Variants in ARHGAP10 observed in about 807,000 individuals in gnomAD.
ARHGAP10 encodes the protein Rho GTPase activating protein 10, also known as rho GTPase-activating protein 10.
ARHGAP10 carries 87 observed loss-of-function variants against 108.6 expected under a neutral mutation model. The observed-to-expected ratio is 0.80, with a 90% confidence interval of 0.67 to 0.96. The LOEUF is 0.96. Among genes scored for constraint, ARHGAP10 ranks in the 40% least tolerant of loss-of-function variants. The pLI is 0.00. For synonymous variants in ARHGAP10, 347 were observed against 341.1 expected (o/e 1.02, Z -0.19); for missense variants, 939 against 954.5 (o/e 0.98, Z 0.21).
intron 10 of ARHGAP10, among the ~76,000 whole-genome samples, chr4:147,897,363 A>G (rs1205851001): frequency 6.6e-6 from 1 of 151,910 alleles, no homozygotes; most frequent in Non-Finnish European, 1.5e-5. Flanking sequence ...TTGGCTTCCT[A>G]AAGTGCTGTG....
At chr4:148,029,994 T>C (rs1449760589) in intron 19 of ARHGAP10, among the ~76,000 whole-genome samples, 7 of 138,430 alleles carry the variant, frequency 5.1e-5, no homozygotes, top group African/African-American at 1.1e-4. Flanking sequence ...AGGCTCAGCA[T>C]CCCCCCCCCC....
intron 10 of ARHGAP10, among the ~76,000 whole-genome samples, chr4:147,902,084 A>AT (rs1257455798): frequency 2.0e-5 from 3 of 152,054 alleles, no homozygotes; most frequent in African/African-American, 7.2e-5. Flanking sequence ...TCTGTCTTCT[A>AT]TTTGTTATTC....
At chr4:147,897,336 C>T (rs1393276868) in intron 10 of ARHGAP10, among the ~76,000 whole-genome samples, 1 of 151,952 alleles carries the variant, frequency 6.6e-6, no homozygotes, top group Non-Finnish European at 1.5e-5. Context: ...CTCCTGACTT[C>T]AAGCCATCTT....
chr4:147,912,558 T>G (rs1392593540), intron 12 of ARHGAP10, among the ~76,000 whole-genome samples: 61 of 1,944 alleles, frequency 0.031, no homozygotes, highest in Non-Finnish European at 0.24. Flanking sequence ...AATATATATA[T>G]ATATATATAT....
chr4:147,937,865 G>A (rs1738016702), intron 13 of ARHGAP10, among the ~76,000 whole-genome samples: 1 of 152,220 alleles, frequency 6.6e-6, no homozygotes, highest in East Asian at 1.9e-4. Context: ...TGTAATCCCA[G>A]CTACTTGGGA....
intron 13 of ARHGAP10, among the ~76,000 whole-genome samples, chr4:147,936,226 G>A (rs1480897990): frequency 6.6e-6 from 1 of 151,950 alleles, no homozygotes; most frequent in African/African-American, 2.4e-5. Flanking sequence ...TCCTGTATCG[G>A]GCTCAAAAGG....
At chr4:147,842,383 C>G (rs1733451536) in intron 3 of ARHGAP10, among the ~76,000 whole-genome samples, 1 of 152,186 alleles carries the variant, frequency 6.6e-6, no homozygotes, top group South Asian at 2.1e-4. Context: ...TGGTGGAAGA[C>G]AGTGTTTACT....
intron 3 of ARHGAP10, among the ~76,000 whole-genome samples, chr4:147,823,832 G>A (rs1041053872): frequency 6.6e-6 from 1 of 152,154 alleles, no homozygotes; most frequent in Non-Finnish European, 1.5e-5. Flanking sequence ...GCAGTGCTGT[G>A]CTGAGTGCCT....
At chr4:148,066,350 C>T (rs1240382694) in intron 22 of ARHGAP10, among the ~76,000 whole-genome samples, 1 of 152,162 alleles carries the variant, frequency 6.6e-6, no homozygotes. Flanking sequence ...GGATTTAGAC[C>T]AATGAGAATC....
At chr4:147,865,549 A>AT (rs1479712084) in intron 6 of ARHGAP10, 2 of 151,590 alleles carry the variant, frequency 1.3e-5, no homozygotes, top group Non-Finnish European at 2.9e-5. Flanking sequence ...TATATATCAT[A>AT]ATGTAAAGGA....
At chr4:147,980,482 A>T (rs1220753375) in intron 18 of ARHGAP10, among the ~76,000 whole-genome samples, 1 of 152,106 alleles carries the variant, frequency 6.6e-6, no homozygotes, top group African/African-American at 2.4e-5. Flanking sequence ...CATTGGAGAT[A>T]TTGGCATGTA....
chr4:147,980,428 A>G (rs1286158857), intron 18 of ARHGAP10, among the ~76,000 whole-genome samples: 1 of 152,050 alleles, frequency 6.6e-6, no homozygotes, highest in East Asian at 1.9e-4. Flanking sequence ...ATGCTGCTGG[A>G]TTTGGTTTAC....
At chr4:147,883,261 A>G (rs913368300) in intron 10 of ARHGAP10, among the ~76,000 whole-genome samples, 4 of 152,216 alleles carry the variant, frequency 2.6e-5, no homozygotes, top group Non-Finnish European at 4.4e-5. Context: ...GGGTCTTGCT[A>G]TGTTGCCCAA....
At chr4:148,031,349 T>C (rs575734994) in intron 19 of ARHGAP10, among the ~76,000 whole-genome samples, 66 of 152,360 alleles carry the variant, frequency 4.3e-4, no homozygotes, top group African/African-American at 1.5e-3. Flanking sequence ...AGTACTGTTA[T>C]TGGCAATATT....
intron 4 of ARHGAP10, among the ~76,000 whole-genome samples, chr4:147,850,257 C>T (rs1049834130): frequency 1.3e-5 from 2 of 152,214 alleles, no homozygotes; most frequent in Admixed American, 6.5e-5. Flanking sequence ...GTAAAATGAA[C>T]CAATCAGCAG....
At position 147,797,929 on chromosome 4, in the gene ARHGAP10, C is replaced by T. The variant is rs141772166; in HGVS notation, c.155-24798C>T. ...CCAACCCATCCCATGCCATCTCATC[C>T]CATCCCTCTCCTCTTTGTCCTGTTT... On this transcript the variant is annotated intron_variant, in intron 1 of 22. Coordinates refer to ENST00000336498, the MANE Select transcript of ARHGAP10 (RefSeq NM_024605.4). 5.7e-4 allele frequency among the ~76,000 whole-genome samples: 86 copies of T among 152,202 alleles called. 2 individuals are homozygous for T. In the East Asian group the frequency reaches 0.015, roughly 27 times the overall value.
chr4:147,966,082 G>C (rs998417388), intron 17 of ARHGAP10, among the ~76,000 whole-genome samples: 4 of 152,230 alleles, frequency 2.6e-5, no homozygotes, highest in Admixed American at 6.5e-5. Context: ...GAGTGATTGT[G>C]GGTGCTCTGA....
intron 17 of ARHGAP10, among the ~76,000 whole-genome samples, chr4:147,966,250 T>G (rs1739197343): frequency 6.6e-6 from 1 of 152,206 alleles, no homozygotes; most frequent in African/African-American, 2.4e-5. Context: ...GTTGGCTCTT[T>G]GTGAGTCCTG....
intron 4 of ARHGAP10, among the ~76,000 whole-genome samples, chr4:147,851,826 C>T (rs1342277981): frequency 3.3e-5 from 5 of 152,102 alleles, no homozygotes; most frequent in African/African-American, 9.7e-5. Context: ...GCTGTAATAG[C>T]GGTAAGCATA....
Sources: allele counts gnomAD v4.1 joint callset (sites outside exome capture counted in the v4.1 genomes callset), GRCh38; gene constraint gnomAD v4.1.1; transcripts MANE v1.5; gene names NCBI Gene and HGNC (gene_info 2026-07-23, HGNC 2026-07-21).